Variants in PADI4 observed in about 807,000 individuals in gnomAD.
PADI4 encodes the protein peptidyl arginine deiminase 4.
PADI4 carries 62 observed loss-of-function variants against 75.0 expected under a neutral mutation model. The ratio of observed to expected loss-of-function variants is 0.83; its 90% CI spans 0.67 to 1.02. The LOEUF is 1.02. Among genes scored for constraint, PADI4 ranks in the 50% least tolerant of loss-of-function variants. The pLI is 0.00. For missense variants in PADI4, 845 were observed against 850.5 expected (o/e 0.99, Z 0.08); for synonymous variants, 361 against 348.1 (o/e 1.04, Z -0.41).
chr1:17,309,216 C>T (rs1322659031), intron 1 of PADI4, among the ~76,000 whole-genome samples: 1 of 150,666 alleles, frequency 6.6e-6, no homozygotes, highest in Non-Finnish European at 1.5e-5. Context: ...AAATTAACTG[C>T]CTGTTTTTTT....
intron 15 of PADI4, among the ~76,000 whole-genome samples, chr1:17,362,477 G>C (rs1557587031): frequency 1.3e-5 from 2 of 151,902 alleles, no homozygotes; most frequent in Non-Finnish European, 2.9e-5. Context: ...ATAGGTAGAA[G>C]CTAAACAGTG....
intron 8 of PADI4, 124 bp downstream of exon 8, chr1:17,342,526 G>C (rs1009082168): frequency 1.6e-6 from 1 of 642,438 alleles, no homozygotes; most frequent in South Asian, 1.9e-5. Flanking sequence ...CTTGCTGCTT[G>C]TTGGGGGCTC....
intron 7 of PADI4, 28 bp from the exon 8 acceptor site, chr1:17,342,271 C>T: frequency 1.3e-6 from 2 of 1,485,542 alleles, no homozygotes; most frequent in Non-Finnish European, 1.9e-6. Context: ...GTGACAGCCC[C>T]TCCTTCCCCT....
intron 1 of PADI4, among the ~76,000 whole-genome samples, chr1:17,318,179 G>GT (rs1411231034): frequency 6.6e-6 from 1 of 152,228 alleles, no homozygotes; most frequent in Non-Finnish European, 1.5e-5. Context: ...TCTTTAGGAA[G>GT]TGCTGGATGC....
chr1:17,331,236 C>A, intron 2 of PADI4, 87 bp downstream of exon 2: 1 of 1,152,106 alleles, frequency 8.7e-7, no homozygotes, highest in Non-Finnish European at 1.2e-6. Context: ...TCCACAGCAC[C>A]AGCCTGGCAG....
chr1:17,349,144 G>A (rs1247156368), intron 10 of PADI4, among the ~76,000 whole-genome samples: 2 of 152,206 alleles, frequency 1.3e-5, no homozygotes, highest in African/African-American at 4.8e-5. Flanking sequence ...AGTTCATCCT[G>A]TTTCAGCAGC....
intron 1 of PADI4, among the ~76,000 whole-genome samples, chr1:17,327,462 G>C (rs1043466819): frequency 9.2e-5 from 14 of 151,746 alleles, no homozygotes; most frequent in African/African-American, 3.4e-4. Context: ...CTTATAATCA[G>C]TATATTACTG....
chr1:17,344,433 G>C (rs899736893), intron 8 of PADI4, among the ~76,000 whole-genome samples: 2 of 152,236 alleles, frequency 1.3e-5, no homozygotes, highest in African/African-American at 4.8e-5. Context: ...ATTTGCATAA[G>C]TAACAAGGAG....
intron 13 of PADI4, 33 bp from the exon 14 acceptor site, chr1:17,358,805 C>A: frequency 6.8e-7 from 1 of 1,467,044 alleles, no homozygotes; most frequent in South Asian, 1.2e-5. Context: ...CCTCTAAGTT[C>A]ATTTGCCTTT....
intron 1 of PADI4, among the ~76,000 whole-genome samples, chr1:17,312,637 G>A (rs1194426480): frequency 1.3e-5 from 2 of 152,128 alleles, no homozygotes; most frequent in African/African-American, 4.8e-5. Flanking sequence ...AATCTATATT[G>A]TCACAAATGA....
At chr1:17,322,678 G>C (rs2074051664) in intron 1 of PADI4, among the ~76,000 whole-genome samples, 1 of 152,108 alleles carries the variant, frequency 6.6e-6, no homozygotes. Flanking sequence ...GAGGGACCCA[G>C]TTCCCAGGAC....
At position 17,359,300 on chromosome 1, in the gene PADI4, C is replaced by G. The variant is rs766898905; in HGVS notation, c.1650C>G (p.Arg550=). 34 of 1,613,406 alleles carry G rather than the reference C, an allele frequency of 2.1e-5. No homozygotes were observed. The South Asian group carries it at 3.6e-4, about 17-fold the overall frequency. ...CCAAGAGATGCATCGACTGGAACCG[C>G]GAGCTGCTGAAGCGGGAGCTGGGCC... The part of the protein sequence containing the change: ...SFVERCIDWN[R]ELLKRELGLA... The change falls in exon 15 of 16, where the codon CGC becomes CGG. Residue 550 remains arginine, a synonymous_variant. Coordinates refer to ENST00000375448, the MANE Select transcript of PADI4 (RefSeq NM_012387.3).
At chr1:17,347,880 G>T in intron 9 of PADI4, 61 bp from the exon 10 acceptor site, 1 of 860,534 alleles carries the variant, frequency 1.2e-6, no homozygotes, top group Non-Finnish European at 1.8e-6. Context: ...CCCCATCCTG[G>T]CGTCGGGCAC....
rs113887147 is a variant in PADI4 at position 17,319,088 on chromosome 1, C to T, written c.92+10774C>T. Among the ~76,000 whole-genome samples the T allele has an allele frequency of 2.6e-4, 40 of 152,194 alleles. No individual in the cohort carries two copies. In the East Asian group the frequency reaches 5.4e-3, roughly 21 times the overall value. On this transcript the variant is annotated intron_variant, in intron 1 of 15. Transcript: ENST00000375448. The stretch of plus-strand genomic sequence containing the variant: ...CCTCCCAAAATGCTGGGATTACAGG[C>T]GGGAGCCATCGTGCCTGGCCAGTAT...
intron 9 of PADI4, among the ~76,000 whole-genome samples, chr1:17,347,682 G>T (rs557035504): frequency 7.0e-4 from 107 of 152,098 alleles, no homozygotes; most frequent in Non-Finnish European, 1.4e-3. Flanking sequence ...CTCACCAGGG[G>T]TCCCCAGCAC....
rs1340792103 is a variant in PADI4, at chr1:17,346,171, GT to G, written c.1047+33del. 7.0e-7 allele frequency: 1 copy of G among 1,432,062 alleles called. No individual in the cohort carries two copies. The highest frequency in any genetic ancestry group is 1.4e-5 in the African/African-American group (1 of 71,176). 88.7% of individuals were successfully genotyped at this position (1,432,062 alleles called of 1,614,324 possible). A position where few individuals can be genotyped will look rare whatever the true frequency, so the allele number is the denominator to read the frequency against. ...GCCCTGCGGGGCAGGCAGGGTGACT[GT>G]CCCTGAGGGCCAAGAGACACTTGGG... On this transcript the variant is annotated intron_variant, in intron 9 of 15. Coordinates refer to ENST00000375448, the MANE Select transcript of PADI4 (RefSeq NM_012387.3). The surrounding 1 kb of genome is among the most constrained non-coding windows in gnomAD (Gnocchi z 4.3).
Position 17,341,992 on chromosome 1 carries a change from C to T in PADI4, c.702C>T (p.Pro234=), listed in dbSNP as rs771081868. The T allele has an allele frequency of 6.6e-5, 106 of 1,613,902 alleles. No individual in the cohort carries two copies. The East Asian group carries it at 2.1e-3, about 32-fold the overall frequency. Residue 234 remains proline (P), a synonymous_variant, in exon 7 of 16, where the codon CCC becomes CCT. Transcript: ENST00000375448. The stretch of plus-strand genomic sequence containing the variant: ...GCGTAGTCTTGGGTCCCAAGTGGCC[C>T]TCTCACTACCTGATGGTCCCCGGTG... ...KCSVVLGPKW[P]SHYLMVPGGK...
At chr1:17,313,185 G>T (rs1193599031) in intron 1 of PADI4, among the ~76,000 whole-genome samples, 14 of 150,904 alleles carry the variant, frequency 9.3e-5, no homozygotes, top group African/African-American at 2.7e-4. Context: ...GCGAGACTCT[G>T]CCTCAAAAAA....
intron 5 of PADI4, 71 bp from the exon 6 acceptor site, chr1:17,339,617 G>A: frequency 2.6e-6 from 4 of 1,562,784 alleles, no homozygotes; most frequent in South Asian, 1.1e-5. Context: ...CCACCAGGAG[G>A]TGAGGTGGCT....
Sources: gnomAD v4.1 joint callset for allele counts (sites outside exome capture counted in the v4.1 genomes callset) on GRCh38, gnomAD v4.1.1 for gene constraint, Gnocchi (gnomAD v3.1) non-coding constraint, MANE v1.5 for transcripts, NCBI Gene and HGNC (gene_info 2026-07-23, HGNC 2026-07-21) for gene names.